ADAMTSL1: variants seen among roughly 807,000 people sequenced by gnomAD.
ADAMTSL1 encodes ADAMTS like 1, also known as ADAMTS-like protein 1.
ADAMTSL1 carries 126 observed loss-of-function variants against 201.8 expected under a neutral mutation model. The ratio of observed to expected loss-of-function variants is 0.62; its 90% CI spans 0.54 to 0.72. ADAMTSL1 has a LOEUF of 0.72. Ranked by LOEUF, ADAMTSL1 falls within the 30% of genes least tolerant of loss-of-function variation. The pLI is 0.00. For missense variants in ADAMTSL1, 2,679 were observed against 2,277.8 expected, an observed-to-expected ratio of 1.18 and a Z score of -3.59; for synonymous variants, 1,121 against 903.4, an observed-to-expected ratio of 1.24 and a Z score of -4.32.
chr9:18,507,933 G>T (rs1817784413), intron 2 of ADAMTSL1, among the ~76,000 whole-genome samples: 1 of 152,016 alleles, frequency 6.6e-6, no homozygotes, highest in African/African-American at 2.4e-5. Flanking sequence ...GCCTGTAATT[G>T]CAGCACTTTG....
intron 19 of ADAMTSL1, among the ~76,000 whole-genome samples, chr9:18,791,873 G>C (rs1317444652): frequency 3.3e-5 from 5 of 152,082 alleles, no homozygotes; most frequent in Admixed American, 6.5e-5. Context: ...TGCCCTCTGT[G>C]ATGGATCACC....
chr9:18,330,684 G>A (rs1834997019), intron 2 of ADAMTSL1, among the ~76,000 whole-genome samples: 1 of 152,068 alleles, frequency 6.6e-6, no homozygotes, highest in Non-Finnish European at 1.5e-5. Flanking sequence ...GGCAAAACTG[G>A]GATCTGAGCT....
chr9:18,489,384 C>G (rs186175793), intron 1 of ADAMTSL1, among the ~76,000 whole-genome samples: 1 of 152,150 alleles, frequency 6.6e-6, no homozygotes, highest in Non-Finnish European at 1.5e-5. Context: ...TGAGAGGAAG[C>G]ATTCTGGTGC....
chr9:18,371,734 T>C (rs890252936), intron 2 of ADAMTSL1, among the ~76,000 whole-genome samples: 4 of 152,220 alleles, frequency 2.6e-5, no homozygotes, highest in Non-Finnish European at 5.9e-5. Flanking sequence ...CACAAATAAA[T>C]GTGGGCATTA....
chr9:18,434,723 A>G (rs1382847684), intron 2 of ADAMTSL1, among the ~76,000 whole-genome samples: 1 of 152,136 alleles, frequency 6.6e-6, no homozygotes, highest in East Asian at 1.9e-4. Context: ...AAACACTCAA[A>G]TGGCTCCTAC....
At chr9:18,325,555 C>A (rs932207509) in intron 2 of ADAMTSL1, among the ~76,000 whole-genome samples, 1 of 152,140 alleles carries the variant, frequency 6.6e-6, no homozygotes, top group Non-Finnish European at 1.5e-5. Context: ...TAGCAACATA[C>A]CACAGACTGA....
At chr9:18,719,332 T>G (rs1377627172) in intron 14 of ADAMTSL1, among the ~76,000 whole-genome samples, 1 of 152,226 alleles carries the variant, frequency 6.6e-6, no homozygotes, top group Non-Finnish European at 1.5e-5. Flanking sequence ...ATTGTGATTC[T>G]TTTTTTATTT....
chr9:17,924,730 A>G (rs1826453277), intron 1 of ADAMTSL1, among the ~76,000 whole-genome samples: 1 of 145,744 alleles, frequency 6.9e-6, no homozygotes, highest in Non-Finnish European at 1.5e-5. Context: ...TTTAAACGTT[A>G]GACCTAAAAC....
At chr9:17,946,110 G>A (rs1470258361) in intron 1 of ADAMTSL1, among the ~76,000 whole-genome samples, 1 of 134,870 alleles carries the variant, frequency 7.4e-6, no homozygotes, top group Non-Finnish European at 1.6e-5. Context: ...GTGTGTGTGT[G>A]TACAAACAGA....
intron 2 of ADAMTSL1, among the ~76,000 whole-genome samples, chr9:18,505,486 G>T (rs1823074654): frequency 6.6e-6 from 1 of 152,216 alleles, no homozygotes. Flanking sequence ...AGAAGCTTCA[G>T]TGGGAATTGG....
chr9:18,816,047 T>G (rs541432328), intron 20 of ADAMTSL1, among the ~76,000 whole-genome samples: 3 of 152,300 alleles, frequency 2.0e-5, no homozygotes. Flanking sequence ...AATATACACA[T>G]AGTCACCCTA....
At chr9:18,302,171 G>A (rs970470611) in intron 2 of ADAMTSL1, among the ~76,000 whole-genome samples, 1 of 152,066 alleles carries the variant, frequency 6.6e-6, no homozygotes, top group African/African-American at 2.4e-5. Flanking sequence ...AATTCTTTAT[G>A]CCAGAGTGTA....
intron 1 of ADAMTSL1, among the ~76,000 whole-genome samples, chr9:18,503,816 G>C (rs1445983716): frequency 6.6e-6 from 1 of 152,124 alleles, no homozygotes; most frequent in Non-Finnish European, 1.5e-5. Context: ...TCAAGTACAG[G>C]TTTTAAAAGT....
At chr9:18,827,078 C>T (rs1824619227) in intron 22 of ADAMTSL1, among the ~76,000 whole-genome samples, 1 of 151,548 alleles carries the variant, frequency 6.6e-6, no homozygotes, top group Admixed American at 6.6e-5. Flanking sequence ...AGCCATGTTG[C>T]AAGCTATAAC....
chr9:18,006,240 A>T (rs1448145023), intron 1 of ADAMTSL1, among the ~76,000 whole-genome samples: 1 of 152,038 alleles, frequency 6.6e-6, no homozygotes, highest in Non-Finnish European at 1.5e-5. Flanking sequence ...AGAGGTTAAT[A>T]ACTTCAACAG....
At chr9:17,919,006 T>C (rs77068966) in intron 1 of ADAMTSL1, among the ~76,000 whole-genome samples, 1,775 of 152,004 alleles carry the variant, frequency 0.012, 28 homozygotes, top group African/African-American at 0.041. Context: ...ACATTTCTGA[T>C]TTGAGATTTT....
intron 2 of ADAMTSL1, among the ~76,000 whole-genome samples, chr9:18,346,236 C>T (rs1381975281): frequency 6.6e-6 from 1 of 152,206 alleles, no homozygotes; most frequent in Non-Finnish European, 1.5e-5. Context: ...AGGAATTTGT[C>T]ATCACTTTTG....
chr9:17,945,197 C>CA (rs1827408688), intron 1 of ADAMTSL1, among the ~76,000 whole-genome samples: 1 of 142,844 alleles, frequency 7.0e-6, no homozygotes, highest in South Asian at 2.3e-4. Flanking sequence ...CTTATGCAGC[C>CA]AAAAAACACA....
chr9:18,594,482 G>C (rs978303615), intron 4 of ADAMTSL1, among the ~76,000 whole-genome samples: 1 of 151,954 alleles, frequency 6.6e-6, no homozygotes, highest in Non-Finnish European at 1.5e-5. Flanking sequence ...TTGATGTCCT[G>C]TAGATCCCAT....
Sources: allele counts gnomAD v4.1 joint callset (sites outside exome capture counted in the v4.1 genomes callset), GRCh38; gene constraint gnomAD v4.1.1; transcripts MANE v1.5; gene names NCBI Gene and HGNC (gene_info 2026-07-23, HGNC 2026-07-21).